TMEM232: variants seen among roughly 807,000 people sequenced by gnomAD.
The protein encoded by TMEM232 is transmembrane protein 232.
A neutral mutation model predicts 78.8 loss-of-function variants in TMEM232; 80 were observed. The ratio of observed to expected loss-of-function variants is 1.01; its 90% CI spans 0.85 to 1.22. TMEM232 has a LOEUF of 1.22. Among genes scored for constraint, TMEM232 ranks in the 50% most tolerant of loss-of-function variants. The pLI, the probability that TMEM232 is intolerant of heterozygous loss-of-function variation, is 0.00. For synonymous variants in TMEM232, 297 were observed against 254.3 expected (o/e 1.17, Z -1.60); for missense variants, 881 against 742.2 (o/e 1.19, Z -2.17).
chr5:110,642,417 A>G lies in TMEM232; in HGVS notation c.126-46T>C, dbSNP rs1180451241. 1.5e-5 allele frequency: 20 copies of G among 1,343,594 alleles called. No individual in the cohort carries two copies. In the South Asian group the frequency reaches 2.6e-4, roughly 17 times the overall value. 83.2% of individuals were successfully genotyped at this position (1,343,594 alleles called of 1,614,324 possible). On this transcript the variant is annotated intron_variant, in intron 2 of 13. Coordinates refer to ENST00000455884, the MANE Select transcript of TMEM232 (RefSeq NM_001039763.4). ...TTAACATTTAAAAAGTATAGCTATC[A>G]CTTCCAAATTTCAATTAATCAACTT...
intron 12 of TMEM232, among the ~76,000 whole-genome samples, chr5:110,512,658 A>C (rs753932608): frequency 2.6e-4 from 40 of 152,212 alleles, no homozygotes; most frequent in Non-Finnish European, 4.3e-4. Flanking sequence ...TTACATTCTA[A>C]TTAAGCAGTT....
At chr5:110,685,339 A>C (rs1793266146) in intron 1 of TMEM232, among the ~76,000 whole-genome samples, 1 of 152,098 alleles carries the variant, frequency 6.6e-6, no homozygotes, top group Non-Finnish European at 1.5e-5. Flanking sequence ...GTGGAAGTGA[A>C]GAGAAGTTTT....
chr5:110,427,569 A>C (rs1031928652), intron 12 of TMEM232, among the ~76,000 whole-genome samples: 1 of 151,914 alleles, frequency 6.6e-6, no homozygotes. Flanking sequence ...AATTACCACA[A>C]ACTAGGAGGC....
At chr5:110,510,752 T>C (rs550523482) in intron 12 of TMEM232, among the ~76,000 whole-genome samples, 22 of 152,122 alleles carry the variant, frequency 1.4e-4, no homozygotes, top group Non-Finnish European at 3.2e-4. Flanking sequence ...ATATACCATC[T>C]CATGCCAGTT....
At chr5:110,482,519 T>C (rs935912795) in intron 12 of TMEM232, among the ~76,000 whole-genome samples, 9 of 151,604 alleles carry the variant, frequency 5.9e-5, no homozygotes, top group Non-Finnish European at 1.2e-4. Flanking sequence ...AGGCGGATGT[T>C]GCAGTGAGCC....
chr5:110,415,338 C>A (rs1036280415), downstream of TMEM232, among the ~76,000 whole-genome samples: 8 of 151,946 alleles, frequency 5.3e-5, no homozygotes, highest in Non-Finnish European at 1.0e-4. Context: ...CAGGCGCCTG[C>A]CACCACACCT....
chr5:110,427,802 G>A (rs1757406429), intron 12 of TMEM232, among the ~76,000 whole-genome samples: 1 of 151,664 alleles, frequency 6.6e-6, no homozygotes, highest in Non-Finnish European at 1.5e-5. Flanking sequence ...GTGACTCTGG[G>A]TGTCTTCTAC....
intron 2 of TMEM232, among the ~76,000 whole-genome samples, chr5:110,659,251 A>T (rs575334732): frequency 3.5e-4 from 54 of 152,246 alleles, no homozygotes; most frequent in African/African-American, 1.2e-3. Flanking sequence ...AATGTCTTGC[A>T]AGATCCCCTC....
At chr5:110,461,908 A>G (rs1212860253) in intron 12 of TMEM232, among the ~76,000 whole-genome samples, 1 of 152,214 alleles carries the variant, frequency 6.6e-6, no homozygotes, top group Non-Finnish European at 1.5e-5. Flanking sequence ...GTATTTCAAA[A>G]TGTTATTGCC....
chr5:110,436,300 A>G (rs1758426488), intron 12 of TMEM232, among the ~76,000 whole-genome samples: 1 of 151,904 alleles, frequency 6.6e-6, no homozygotes, highest in South Asian at 2.1e-4. Context: ...ATTTTAAATC[A>G]GATTATTGGA....
intron 10 of TMEM232, among the ~76,000 whole-genome samples, chr5:110,574,362 T>C (rs1030119544): frequency 6.6e-6 from 1 of 152,116 alleles, no homozygotes; most frequent in African/African-American, 2.4e-5. Flanking sequence ...TAGTTTGGAC[T>C]TGGCAAAGGT....
chr5:110,498,843 C>G (rs1345988892), intron 12 of TMEM232, among the ~76,000 whole-genome samples: 2 of 151,986 alleles, frequency 1.3e-5, no homozygotes, highest in African/African-American at 4.8e-5. Context: ...CTAAAAAGAC[C>G]CTCCTAATGA....
At chr5:110,478,253 G>A (rs1297736272) in intron 12 of TMEM232, among the ~76,000 whole-genome samples, 1 of 151,850 alleles carries the variant, frequency 6.6e-6, no homozygotes, top group Non-Finnish European at 1.5e-5. Flanking sequence ...AAATGTTAAT[G>A]AAATATTAAA....
At chr5:110,429,623 AAAAT>A (rs1757609122) in intron 12 of TMEM232, among the ~76,000 whole-genome samples, 3 of 151,910 alleles carry the variant, frequency 2.0e-5, no homozygotes, top group East Asian at 1.9e-4. Flanking sequence ...CAGGAAAACT[AAAAT>A]AAATAACCAT....
intron 12 of TMEM232, among the ~76,000 whole-genome samples, chr5:110,465,621 C>CA (rs1761992967): frequency 6.6e-6 from 1 of 151,884 alleles, no homozygotes; most frequent in African/African-American, 2.4e-5. Context: ...TTGACAATTC[C>CA]AAAAATCTAA....
chr5:110,433,585 T>C (rs1010127076), intron 12 of TMEM232, among the ~76,000 whole-genome samples: 5 of 151,774 alleles, frequency 3.3e-5, no homozygotes, highest in African/African-American at 1.2e-4. Flanking sequence ...CTAAACCCAA[T>C]TCTGTTTAGG....
intron 11 of TMEM232, among the ~76,000 whole-genome samples, chr5:110,531,255 G>A (rs572138375): frequency 1.3e-5 from 2 of 151,844 alleles, no homozygotes; most frequent in Non-Finnish European, 2.9e-5. Context: ...GACTCAGCCC[G>A]CCTGCACCCA....
At chr5:110,583,209 G>C (rs73224345) in intron 10 of TMEM232, among the ~76,000 whole-genome samples, 6,840 of 151,844 alleles carry the variant, frequency 0.045, 554 homozygotes, top group African/African-American at 0.16. Flanking sequence ...TCTTGAAAAA[G>C]AACAAAGTCA....
intron 13 of TMEM232, among the ~76,000 whole-genome samples, chr5:110,422,697 C>T (rs892327370): frequency 1.3e-5 from 2 of 152,170 alleles, no homozygotes; most frequent in South Asian, 4.2e-4. Flanking sequence ...GACAGCTCTT[C>T]CCTCTTTCCC....
Sources: gnomAD v4.1 joint callset for allele counts (sites outside exome capture counted in the v4.1 genomes callset) on GRCh38, gnomAD v4.1.1 for gene constraint, MANE v1.5 for transcripts, NCBI Gene and HGNC (gene_info 2026-07-23, HGNC 2026-07-21) for gene names.